The following PKHD1 variants were observed in gnomAD, a reference collection of about 807,000 sequenced individuals.
The protein encoded by PKHD1 is PKHD1 ciliary IPT domain containing fibrocystin/polyductin.
Under a neutral mutation model 412.0 loss-of-function variants are expected in PKHD1, and 291 were observed. The observed-to-expected ratio is 0.71, with a 90% confidence interval of 0.64 to 0.78. PKHD1 has a LOEUF of 0.78. Ranked by LOEUF, PKHD1 falls within the 30% of genes least tolerant of loss-of-function variation. PKHD1 has a pLI of 0.00. For missense variants in PKHD1, 4,825 were observed against 4,950.7 expected (o/e 0.97, Z 0.76); for synonymous variants, 1,777 against 1,821.5 (o/e 0.98, Z 0.62).
chr6:51,926,525 G>C (rs1301970113), intron 37 of PKHD1, among the ~76,000 whole-genome samples: 1 of 152,030 alleles, frequency 6.6e-6, no homozygotes, highest in African/African-American at 2.4e-5. Flanking sequence ...TTTCTAAGTG[G>C]GGTTCCTGCT....
chr6:51,623,578 T>A (rs931369043), intron 66 of PKHD1, among the ~76,000 whole-genome samples: 1 of 152,034 alleles, frequency 6.6e-6, no homozygotes, highest in African/African-American at 2.4e-5. Context: ...TGTATTTTTA[T>A]TTATCTATTT....
intron 35 of PKHD1, among the ~76,000 whole-genome samples, chr6:51,999,438 T>A (rs546951175): frequency 9.2e-5 from 14 of 152,310 alleles, no homozygotes; most frequent in African/African-American, 2.9e-4. Flanking sequence ...AATAACCCAT[T>A]CATCTTTACC....
chr6:51,890,789 T>C (rs1253612896), intron 43 of PKHD1, among the ~76,000 whole-genome samples: 2 of 152,142 alleles, frequency 1.3e-5, no homozygotes, highest in African/African-American at 2.4e-5. Flanking sequence ...GAAGAAGACA[T>C]GACATTTTGA....
chr6:51,758,053 A>AGAGAGAGAGAGAGAG (rs1491172795), intron 55 of PKHD1, among the ~76,000 whole-genome samples: 20 of 148,450 alleles, frequency 1.3e-4, no homozygotes, highest in Non-Finnish European at 2.1e-4. Context: ...AGAGAGAGAG[A>AGAGAGAGAGAGAGAG]AAACAAAGCA....
At chr6:52,010,635 C>G (rs1190610831) in intron 34 of PKHD1, among the ~76,000 whole-genome samples, 176 bp from the exon 35 acceptor site, 1 of 151,746 alleles carries the variant, frequency 6.6e-6, no homozygotes, top group Non-Finnish European at 1.5e-5. Context: ...TTTGTTTTTC[C>G]TTTTATCTGC....
rs1781950232 is a variant in PKHD1 at position 51,721,747 on chromosome 6, AAGTCAGG to A, written c.10156+22631_10156+22637del. The stretch of plus-strand genomic sequence containing the variant: ...GTTGACACCCTCTCCACAGTCCCCA[AAGTCAGG>A]AGTAAGCAAACTCTATTTCCTCTCT... On this transcript the variant is annotated intron_variant, in intron 60 of 66. Coordinates refer to ENST00000371117, the MANE Select transcript of PKHD1 (RefSeq NM_138694.4). 2.9e-6 allele frequency: 4 copies of A among 1,393,508 alleles called. No individual in the cohort carries two copies. In the Admixed American group the frequency reaches 9.0e-5, roughly 31 times the overall value. The allele number at this position is 1,393,508 out of a possible 1,614,324, so 86.3% of individuals were successfully genotyped here.
In PKHD1 at chr6:51,847,852, G is replaced by A. The variant is rs1255557008; in HGVS notation, c.8030C>T (p.Pro2677Leu). Residue 2677 changes from proline (P) to leucine (L), a missense_variant, in exon 50 of 67, where the codon CCA becomes CTA. Physicochemically the swap from Pro to Leu is moderately conservative, Grantham distance 98. Coordinates refer to ENST00000371117, the MANE Select transcript of PKHD1 (RefSeq NM_138694.4). ...RCGSRVGLSF[P>L]FLPSPGQNQG... ...GTTCTGACCTGGTGATGGAAGAAATGGAAAAGACAGACCCACTCGACTCCC... is the reference window on the plus strand; with the variant it reads ...GTTCTGACCTGGTGATGGAAGAAATAGAAAAGACAGACCCACTCGACTCCC... 1.1e-5 allele frequency: 17 copies of A among 1,614,052 alleles called. No individual in the cohort carries two copies. Among genetic ancestry groups the A allele is most frequent in the Non-Finnish European group, 1.4e-5 (16 of 1,179,912 alleles).
At chr6:51,633,213 G>A (rs1768134734) in intron 64 of PKHD1, among the ~76,000 whole-genome samples, 1 of 152,120 alleles carries the variant, frequency 6.6e-6, no homozygotes, top group Non-Finnish European at 1.5e-5. Context: ...ACTAGGACTA[G>A]AACAATGGCA....
chr6:51,885,128 G>T (rs758232146), intron 45 of PKHD1, among the ~76,000 whole-genome samples: 5 of 152,066 alleles, frequency 3.3e-5, no homozygotes, highest in Non-Finnish European at 7.4e-5. Flanking sequence ...AGATTTCTAG[G>T]CAGAGACAAA....
At chr6:51,670,856 A>G (rs912688557) in intron 60 of PKHD1, among the ~76,000 whole-genome samples, 1 of 151,372 alleles carries the variant, frequency 6.6e-6, no homozygotes, top group African/African-American at 2.4e-5. Context: ...TCTTTTCTTT[A>G]AGAATGTTGA....
At chr6:51,756,299 CCAAATAGATTTAAATAA>C (rs1420592091) in intron 55 of PKHD1, among the ~76,000 whole-genome samples, 1 of 152,046 alleles carries the variant, frequency 6.6e-6, no homozygotes, top group Non-Finnish European at 1.5e-5. Flanking sequence ...AAACTAAGTT[CCAAATAGATTTAAATAA>C]CAAAATGTAA....
At chr6:51,936,648 C>T (rs569815893) in intron 36 of PKHD1, among the ~76,000 whole-genome samples, 7 of 152,276 alleles carry the variant, frequency 4.6e-5, no homozygotes, top group Non-Finnish European at 7.4e-5. Flanking sequence ...TAGGCAAGGG[C>T]GTTACAAAGT....
chr6:51,798,889 A>G lies in PKHD1; in HGVS notation c.8303-7516T>C, dbSNP rs74941345. Among the ~76,000 whole-genome samples the G allele has an allele frequency of 1.1e-4, 17 of 152,326 alleles. No homozygotes were observed. The East Asian group carries it at 3.3e-3, about 29-fold the overall frequency. ...TCTCTCATCCACAGAGTACTCACAC[A>G]TACACATAAAAGTATGATAGTAGGT... On this transcript the variant is annotated intron_variant, in intron 52 of 66. Coordinates refer to ENST00000371117, the MANE Select transcript of PKHD1 (RefSeq NM_138694.4).
intron 48 of PKHD1, among the ~76,000 whole-genome samples, chr6:51,860,354 A>T (rs1468978440): frequency 6.6e-6 from 1 of 152,212 alleles, no homozygotes; most frequent in Non-Finnish European, 1.5e-5. Flanking sequence ...TTGACCATGG[A>T]GGGGTCTTCT....
At chr6:51,803,650 T>C (rs1387731454) in intron 52 of PKHD1, among the ~76,000 whole-genome samples, 2 of 151,576 alleles carry the variant, frequency 1.3e-5, no homozygotes, top group Non-Finnish European at 2.9e-5. Flanking sequence ...TGTCAGACAC[T>C]GTGATATATG....
chr6:51,731,917 A>C (rs542312050), intron 60 of PKHD1, among the ~76,000 whole-genome samples: 111 of 152,304 alleles, frequency 7.3e-4, no homozygotes, highest in Non-Finnish European at 1.4e-3. Flanking sequence ...ATTTTAAACA[A>C]TGTTTATATG....
At chr6:52,044,303 G>A (rs1471984916) in intron 25 of PKHD1, among the ~76,000 whole-genome samples, 1 of 152,130 alleles carries the variant, frequency 6.6e-6, no homozygotes, top group Admixed American at 6.5e-5. Flanking sequence ...AGGTAAAAAA[G>A]ATGTGACCCC....
At chr6:51,829,226 C>G (rs1038279410) in intron 52 of PKHD1, among the ~76,000 whole-genome samples, 2 of 151,994 alleles carry the variant, frequency 1.3e-5, no homozygotes, top group Non-Finnish European at 2.9e-5. Context: ...TCAGGCCCAT[C>G]CTATGATCTT....
intron 52 of PKHD1, among the ~76,000 whole-genome samples, chr6:51,803,589 A>G (rs1582786320): frequency 6.6e-6 from 1 of 151,606 alleles, no homozygotes; most frequent in East Asian, 1.9e-4. Context: ...ACTGACCAAT[A>G]CATTTGCTCA....
Sources: allele counts gnomAD v4.1 joint callset (sites outside exome capture counted in the v4.1 genomes callset), GRCh38; gene constraint gnomAD v4.1.1; transcripts MANE v1.5; gene names NCBI Gene and HGNC (gene_info 2026-07-23, HGNC 2026-07-21).